Variants in FER1L5 observed in about 807,000 individuals in gnomAD.
FER1L5 encodes the protein fer-1-like protein 5.
FER1L5 carries 187 observed loss-of-function variants against 279.9 expected under a neutral mutation model. The ratio of observed to expected loss-of-function variants is 0.67; its 90% CI spans 0.59 to 0.75. FER1L5 has a LOEUF of 0.75. Ranked by LOEUF, FER1L5 falls within the 30% of genes least tolerant of loss-of-function variation. FER1L5 has a pLI of 0.00. For synonymous variants in FER1L5, 921 were observed against 989.7 expected (o/e 0.93, Z 1.30); for missense variants, 2,091 against 2,594.4 (o/e 0.81, Z 4.21).
At chr2:96,680,904 T>C (rs2076697776) in intron 19 of FER1L5, among the ~76,000 whole-genome samples, 1 of 152,130 alleles carries the variant, frequency 6.6e-6, no homozygotes, top group South Asian at 2.1e-4. Context: ...CCAAAACACT[T>C]TGCTTAACTA....
intron 10 of FER1L5, 46 bp from the exon 11 acceptor site, chr2:96,661,279 G>A (rs1367917391): frequency 1.5e-6 from 2 of 1,362,954 alleles, no homozygotes; most frequent in Non-Finnish European, 2.0e-6. Context: ...AGGGGAGAAG[G>A]AAGGAGGCTG....
rs1173010549 is a variant in FER1L5 at position 96,704,329 on chromosome 2, A to G, written c.5916A>G (p.Ala1972=). The G allele has an allele frequency of 6.2e-7, 1 of 1,613,964 alleles. No homozygotes were observed. The highest frequency in any genetic ancestry group is 1.1e-5 in the South Asian group (1 of 91,074). The change falls in exon 52 of 53, where the codon GCA becomes GCG. Residue 1972 remains alanine, a synonymous_variant. Transcript: ENST00000624922. ...CCTTTATGGTCATATCGATTATAGC[A>G]CTTATGCTGTTTAACTTCATCTATT... is the stretch of plus-strand genomic sequence containing the variant. ...LIAFMVISII[A]LMLFNFIYSA...
intron 19 of FER1L5, among the ~76,000 whole-genome samples, chr2:96,679,359 G>A (rs2076631323): frequency 6.6e-6 from 1 of 152,134 alleles, no homozygotes; most frequent in South Asian, 2.1e-4. Flanking sequence ...GAGTAGCTGA[G>A]ATTACAGGCG....
intron 50 of FER1L5, 72 bp from the exon 51 acceptor site, chr2:96,703,450 CG>C: frequency 2.5e-6 from 4 of 1,606,974 alleles, no homozygotes; most frequent in Non-Finnish European, 3.4e-6. Context: ...TTCTTGATCC[CG>C]GGAAGAGGTC....
At chr2:96,644,334 A>G (rs2075024173) in intron 1 of FER1L5, among the ~76,000 whole-genome samples, 1 of 151,664 alleles carries the variant, frequency 6.6e-6, no homozygotes. Flanking sequence ...AAAAAAAAAA[A>G]TTAGCTAGGC....
Position 96,694,220 on chromosome 2 carries a change from C to A in FER1L5, c.3637-140C>A. The A allele has an allele frequency of 7.6e-7, 1 of 1,322,940 alleles. No individual in the cohort carries two copies. The highest frequency in any genetic ancestry group is 1.0e-6 in the Non-Finnish European group (1 of 989,872). The allele number at this position is 1,322,940 out of a possible 1,614,324, so 82.0% of individuals were successfully genotyped here. On this transcript the variant is annotated intron_variant, in intron 33 of 52. Coordinates refer to ENST00000624922, the MANE Select transcript of FER1L5 (RefSeq NM_001293083.2). The surrounding 1 kb of genome is among the most constrained non-coding windows in gnomAD (Gnocchi z 4.6). ...GTGGGCTTGGTGACGCTGGCCTGAC[C>A]AGCCTCTCCCCTAAGTCCCCCTGCC...
At chr2:96,701,188 T>C (rs965159742) in intron 45 of FER1L5, among the ~76,000 whole-genome samples, 3 of 152,220 alleles carry the variant, frequency 2.0e-5, no homozygotes, top group Non-Finnish European at 4.4e-5. Context: ...TGGGTGCCTG[T>C]AATCCCAGCT....
At chr2:96,700,862 A>G (rs2872633) in intron 45 of FER1L5, among the ~76,000 whole-genome samples, 12,021 of 152,250 alleles carry the variant, frequency 0.079, 547 homozygotes, top group Middle Eastern at 0.17. Context: ...TGTCTTCTTC[A>G]CAGCAAATAA....
At chr2:96,666,517 G>T (rs1157884464) in intron 14 of FER1L5, among the ~76,000 whole-genome samples, 1 of 151,972 alleles carries the variant, frequency 6.6e-6, no homozygotes, top group Non-Finnish European at 1.5e-5. Flanking sequence ...AAAGCTGGGA[G>T]GTTCCCAGCC....
intron 9 of FER1L5, among the ~76,000 whole-genome samples, chr2:96,659,357 C>CCTTCCTTCCTTT (rs2075777815): frequency 1.5e-5 from 1 of 68,660 alleles, no homozygotes; most frequent in African/African-American, 5.5e-5. Context: ...TTCCTTCCTT[C>CCTTCCTTCCTTT]CTTCCTTCTT....
At chr2:96,692,977 A>G (rs934475907) in intron 31 of FER1L5, among the ~76,000 whole-genome samples, 4 of 152,128 alleles carry the variant, frequency 2.6e-5, no homozygotes, top group East Asian at 1.9e-4. Context: ...GGAATTCGAG[A>G]CCAGCCTGGC....
chr2:96,698,548 C>CT lies in FER1L5; in HGVS notation c.4357-122dup, dbSNP rs1175855935. The CT allele has an allele frequency of 1.3e-5, 11 of 822,136 alleles. No individual in the cohort carries two copies. The East Asian group carries it at 2.9e-4, about 22-fold the overall frequency. The allele number at this position is 822,136 out of a possible 1,614,324, so 50.9% of individuals were successfully genotyped here. Reference sequence around the variant, plus strand: ...CTGCCTCCACTGTCCTCATGGCCTTCTATCCCTGCCACCCTCAGCCCAACC... The same window carrying CT: ...CTGCCTCCACTGTCCTCATGGCCTTCTTATCCCTGCCACCCTCAGCCCAACC... On this transcript the variant is annotated intron_variant, in intron 40 of 52. Transcript: ENST00000624922. The surrounding 1 kb of genome is among the most constrained non-coding windows in gnomAD (Gnocchi z 5.5).
chr2:96,678,958 A>G (rs1026104714), intron 19 of FER1L5, among the ~76,000 whole-genome samples: 1 of 152,094 alleles, frequency 6.6e-6, no homozygotes, highest in Non-Finnish European at 1.5e-5. Context: ...AACATTTTTA[A>G]TTTGATAAAA....
intron 19 of FER1L5, among the ~76,000 whole-genome samples, chr2:96,682,892 C>T (rs937395562): frequency 3.3e-5 from 5 of 152,132 alleles, no homozygotes; most frequent in Non-Finnish European, 7.3e-5. Context: ...TCTGTGTTAC[C>T]CAGGCTGGTA....
Position 96,669,135 on chromosome 2 carries a change from G to C in FER1L5, c.1360G>C (p.Ala454Pro). 1 of 1,551,394 alleles carries C rather than the reference G, an allele frequency of 6.4e-7. No homozygotes were observed. The highest frequency in any genetic ancestry group is 8.7e-7 in the Non-Finnish European group (1 of 1,146,904). The change falls in exon 17 of 53, where the codon GCT becomes CCT. Residue 454 changes from alanine to proline, a missense_variant and splice_region_variant. By Grantham distance (27) the Ala-to-Pro change is conservative. Transcript: ENST00000624922. ...KAPFRIQEEG[A>P]CIPDSVRDGL... is the part of the protein sequence containing the mutation. ...CCCTTTCAGGATCCAGGAAGAAGGC[G>C]CTGTAAGCTTCTCACATCAGCTCTA...
chr2:96,666,176 C>T (rs935797724), intron 14 of FER1L5, among the ~76,000 whole-genome samples: 8 of 150,168 alleles, frequency 5.3e-5, no homozygotes, highest in Non-Finnish European at 1.2e-4. Flanking sequence ...GCCCAGGGCA[C>T]TGCAGAAAAC....
chr2:96,687,767 C>A, intron 23 of FER1L5, 49 bp from the exon 24 acceptor site: 1 of 1,544,532 alleles, frequency 6.5e-7, no homozygotes, highest in Non-Finnish European at 8.8e-7. Flanking sequence ...GCCGGGGTGG[C>A]GTTCAGGGTG....
rs970348844 is a variant in FER1L5, at chr2:96,702,067, C to A, written c.5159+24C>A. 1 of 1,612,840 alleles carries A rather than the reference C, an allele frequency of 6.2e-7. No individual in the cohort carries two copies. Among genetic ancestry groups the A allele is most frequent in the Non-Finnish European group, 8.5e-7 (1 of 1,178,920 alleles). ...CGGTGAGTGACAGCCCACTTCCCAA[C>A]TGCTGCATTTCACAGTTCAGAACTC... is the stretch of plus-strand genomic sequence containing the variant. On this transcript the variant is annotated intron_variant, in intron 46 of 52. Coordinates refer to ENST00000624922, the MANE Select transcript of FER1L5 (RefSeq NM_001293083.2). The surrounding 1 kb of genome is among the most constrained non-coding windows in gnomAD (Gnocchi z 4.0).
At position 96,686,137 on chromosome 2, in the gene FER1L5, G is replaced by C; in HGVS notation, c.2073+20G>C. 2.6e-6 allele frequency: 4 copies of C among 1,547,652 alleles called. No individual in the cohort carries two copies. The highest frequency in any genetic ancestry group is 3.5e-6 in the Non-Finnish European group (4 of 1,144,182). The stretch of plus-strand genomic sequence containing the variant: ...CCTGAGGTGGGTGCTGCACACACTG[G>C]CCTGCAGCAGGGCTGGGAGCCAGCC... On this transcript the variant is annotated intron_variant, in intron 22 of 52. Transcript: ENST00000624922.
Sources: gnomAD v4.1 joint callset for allele counts (sites outside exome capture counted in the v4.1 genomes callset) on GRCh38, gnomAD v4.1.1 for gene constraint, Gnocchi (gnomAD v3.1) non-coding constraint, MANE v1.5 for transcripts, NCBI Gene and HGNC (gene_info 2026-07-23, HGNC 2026-07-21) for gene names.